Variants in RALA observed in about 807,000 individuals in gnomAD.
The protein encoded by RALA is RAS like proto-oncogene A, also known as ras-related protein Ral-A.
RALA carries 5 observed loss-of-function variants against 24.0 expected under a neutral mutation model. The observed-to-expected ratio is 0.21, with a 90% CI of 0.11 to 0.44. The LOEUF is 0.44. Among genes scored for constraint, RALA ranks in the 20% least tolerant of loss-of-function variants. RALA has a pLI of 0.99. For missense variants in RALA, 95 were observed against 241.2 expected (o/e 0.39, Z 4.01); for synonymous variants, 77 against 83.8 (o/e 0.92, Z 0.44).
At chr7:39,680,740 C>A (rs1260043986) in intron 1 of RALA, among the ~76,000 whole-genome samples, 2 of 151,950 alleles carry the variant, frequency 1.3e-5, no homozygotes, top group Non-Finnish European at 2.9e-5. Flanking sequence ...TGACAATTGT[C>A]CAAACACTAC....
rs774002186 is a variant in RALA at position 39,656,055 on chromosome 7, C to A, written c.-37-30576C>A. The stretch of plus-strand genomic sequence containing the variant: ...GGCAGTATTTATCTAAGGGGATTTG[C>A]ATCAGTCCCTTTGGTGTTTTAGTGA... On this transcript the variant is annotated intron_variant, in intron 1 of 4. Coordinates refer to ENST00000005257, the MANE Select transcript of RALA (RefSeq NM_005402.4). Among the ~76,000 whole-genome samples the A allele has an allele frequency of 2.6e-4, 40 of 152,200 alleles. 1 individual carries two copies. Among genetic ancestry groups the A allele is most frequent in the Admixed American group, 9.2e-4 (14 of 15,288 alleles).
At chr7:39,661,494 A>G (rs1328079324) in intron 1 of RALA, among the ~76,000 whole-genome samples, 1 of 152,204 alleles carries the variant, frequency 6.6e-6, no homozygotes, top group Non-Finnish European at 1.5e-5. Context: ...CCCATTCCAA[A>G]TGGGAGAAAT....
At chr7:39,699,140 T>A (rs1006648558) in intron 4 of RALA, among the ~76,000 whole-genome samples, 2 of 127,054 alleles carry the variant, frequency 1.6e-5, no homozygotes, top group Non-Finnish European at 1.7e-5. Flanking sequence ...TTTTTTTTTT[T>A]TTTTTTTTTT....
intron 1 of RALA, among the ~76,000 whole-genome samples, chr7:39,631,823 A>G (rs2115916727): frequency 6.6e-6 from 1 of 152,270 alleles, no homozygotes; most frequent in South Asian, 2.1e-4. Context: ...CCTCTTTTGC[A>G]TTGCTATGAA....
chr7:39,649,075 A>G (rs1172366016), intron 1 of RALA, among the ~76,000 whole-genome samples: 1 of 152,054 alleles, frequency 6.6e-6, no homozygotes, highest in African/African-American at 2.4e-5. Flanking sequence ...AAATAAAAGA[A>G]TGACTCCAGG....
intron 4 of RALA, among the ~76,000 whole-genome samples, chr7:39,697,979 G>A (rs199864520): frequency 2.8e-5 from 4 of 141,974 alleles, no homozygotes; most frequent in Admixed American, 1.4e-4. Flanking sequence ...GTGTGTATGT[G>A]TGTGTATGTG....
At chr7:39,647,133 C>A (rs1291821176) in intron 1 of RALA, among the ~76,000 whole-genome samples, 1 of 152,142 alleles carries the variant, frequency 6.6e-6, no homozygotes. Flanking sequence ...GCCTCGACCT[C>A]CCGGGCTCGA....
In RALA at chr7:39,671,395, GT is replaced by G. The variant is rs1792385059; in HGVS notation, c.-37-15235del. 2.0e-5 allele frequency among the ~76,000 whole-genome samples: 3 copies of G among 152,080 alleles called. No individual in the cohort carries two copies. In the South Asian group the frequency reaches 6.2e-4, roughly 32 times the overall value. ...AAATTTTTTATAAGTTTTAACTGTGGTAAGGGCTTTACCTTTGTGCTACTGG... is the reference window on the plus strand; with the variant it reads ...AAATTTTTTATAAGTTTTAACTGTGGAAGGGCTTTACCTTTGTGCTACTGG... On this transcript the variant is annotated intron_variant, in intron 1 of 4. Transcript: ENST00000005257.
intron 1 of RALA, among the ~76,000 whole-genome samples, chr7:39,671,659 T>C (rs999415719): frequency 4.6e-5 from 7 of 152,240 alleles, no homozygotes; most frequent in African/African-American, 1.4e-4. Flanking sequence ...TGACAACATG[T>C]CTGGCAAGTC....
At chr7:39,703,497 G>A (rs1024341563) in intron 4 of RALA, among the ~76,000 whole-genome samples, 2 of 151,984 alleles carry the variant, frequency 1.3e-5, no homozygotes, top group Non-Finnish European at 2.9e-5. Context: ...TGATAGTTTC[G>A]TTGCTTTCTG....
chr7:39,671,863 G>A (rs530272618), intron 1 of RALA, among the ~76,000 whole-genome samples: 10 of 152,246 alleles, frequency 6.6e-5, no homozygotes, highest in African/African-American at 2.2e-4. Flanking sequence ...GAAAAATGCC[G>A]CAGGGATTTT....
At chr7:39,689,050 T>C (rs1178222442) in intron 2 of RALA, among the ~76,000 whole-genome samples, 1 of 152,072 alleles carries the variant, frequency 6.6e-6, no homozygotes, top group Non-Finnish European at 1.5e-5. Flanking sequence ...GAACTCACAA[T>C]CTTGAGAACA....
chr7:39,703,635 G>A lies in RALA; in HGVS notation c.499-2488G>A, dbSNP rs568992924. On this transcript the variant is annotated intron_variant, in intron 4 of 4. Transcript: ENST00000005257. ...TACATAATTTGCTTGTTGCTATTGTGTTGTCATTTTTCAGTGAATAGTTCT... is the reference window on the plus strand; with the variant it reads ...TACATAATTTGCTTGTTGCTATTGTATTGTCATTTTTCAGTGAATAGTTCT... Among the ~76,000 whole-genome samples, 14 of 152,238 alleles carry A rather than the reference G, an allele frequency of 9.2e-5. No individual in the cohort carries two copies. The South Asian group carries it at 2.5e-3, about 27-fold the overall frequency.
chr7:39,632,198 GACAC>G (rs1791608484), intron 1 of RALA, among the ~76,000 whole-genome samples: 1 of 152,210 alleles, frequency 6.6e-6, no homozygotes. Context: ...ACTTGGAAGA[GACAC>G]ACATCCAAAT....
chr7:39,699,328 G>A (rs1480340296), intron 4 of RALA, among the ~76,000 whole-genome samples: 4 of 150,708 alleles, frequency 2.7e-5, no homozygotes, highest in African/African-American at 7.4e-5. Context: ...TTTTAGTAGA[G>A]ACGGGGTTTC....
chr7:39,696,618 G>A, intron 3 of RALA, 67 bp from the exon 4 acceptor site: 3 of 1,315,094 alleles, frequency 2.3e-6, no homozygotes, highest in Non-Finnish European at 3.1e-6. Flanking sequence ...ATAGGTATGG[G>A]GCAAACAAGA....
intron 1 of RALA, among the ~76,000 whole-genome samples, chr7:39,664,766 T>A (rs1792255009): frequency 6.6e-6 from 1 of 151,144 alleles, no homozygotes; most frequent in Admixed American, 6.6e-5. Context: ...ATTTATGACA[T>A]AGCCAGTCAA....
intron 1 of RALA, among the ~76,000 whole-genome samples, chr7:39,629,711 T>C (rs1008519146): frequency 8.5e-5 from 13 of 152,262 alleles, no homozygotes; most frequent in Non-Finnish European, 1.8e-4. Context: ...TTTTCCTGCC[T>C]CAGCCTCCCG....
intron 1 of RALA, among the ~76,000 whole-genome samples, chr7:39,628,272 T>A (rs528382338): frequency 6.6e-6 from 1 of 152,260 alleles, no homozygotes; most frequent in East Asian, 1.9e-4. Context: ...GCTTCTCTTA[T>A]GTGCTGTCAT....
Sources: gnomAD v4.1 joint callset for allele counts (sites outside exome capture counted in the v4.1 genomes callset) on GRCh38, gnomAD v4.1.1 for gene constraint, MANE v1.5 for transcripts, NCBI Gene and HGNC (gene_info 2026-07-23, HGNC 2026-07-21) for gene names.